AGBL4: variants seen among roughly 807,000 people sequenced by gnomAD.
The protein encoded by AGBL4 is cytosolic carboxypeptidase 6.
In AGBL4, 58 loss-of-function variants were observed where a neutral mutation model predicts 66.4. The ratio of observed to expected loss-of-function variants is 0.87; its 90% confidence interval spans 0.71 to 1.09. The LOEUF is 1.09. Ranked by LOEUF, AGBL4 falls within the 50% of genes least tolerant of loss-of-function variation. AGBL4 has a pLI of 0.00. For missense variants in AGBL4, 579 were observed against 631.0 expected, an observed-to-expected ratio of 0.92 and a Z score of 0.88; for synonymous variants, 234 against 222.9, an observed-to-expected ratio of 1.05 and a Z score of -0.44.
intron 4 of AGBL4, among the ~76,000 whole-genome samples, chr1:49,241,316 A>C (rs1021537462): frequency 4.6e-5 from 7 of 151,994 alleles, no homozygotes; most frequent in African/African-American, 1.7e-4. Context: ...TAATCTCTCC[A>C]ATCACTTTCT....
At chr1:49,298,026 G>C (rs1452372449) in intron 3 of AGBL4, among the ~76,000 whole-genome samples, 1 of 152,142 alleles carries the variant, frequency 6.6e-6, no homozygotes, top group South Asian at 2.1e-4. Flanking sequence ...CTTTGAATTT[G>C]CTAGCCTAAC....
At chr1:49,628,886 C>T (rs995250719) in intron 3 of AGBL4, among the ~76,000 whole-genome samples, 1 of 152,086 alleles carries the variant, frequency 6.6e-6, no homozygotes, top group Non-Finnish European at 1.5e-5. Context: ...GCTATGTTCC[C>T]GAGGCCTTCT....
At chr1:49,626,260 T>C (rs1645460905) in intron 3 of AGBL4, among the ~76,000 whole-genome samples, 1 of 152,166 alleles carries the variant, frequency 6.6e-6, no homozygotes, top group South Asian at 2.1e-4. Flanking sequence ...ACAGTGCTCC[T>C]GAAGCTAGCT....
intron 5 of AGBL4, among the ~76,000 whole-genome samples, chr1:48,868,898 A>C (rs1247514025): frequency 6.6e-6 from 1 of 152,178 alleles, no homozygotes; most frequent in Non-Finnish European, 1.5e-5. Context: ...TAGCTACTTC[A>C]GTCCATGACA....
chr1:49,789,297 G>A (rs960870916), intron 2 of AGBL4, among the ~76,000 whole-genome samples: 3 of 152,094 alleles, frequency 2.0e-5, no homozygotes, highest in Non-Finnish European at 2.9e-5. Flanking sequence ...TTGGACTGAA[G>A]TTTTCTTTTT....
chr1:49,163,506 T>A (rs1646576446), intron 4 of AGBL4, among the ~76,000 whole-genome samples: 2 of 152,236 alleles, frequency 1.3e-5, no homozygotes, highest in Non-Finnish European at 2.9e-5. Context: ...ATTATATTGT[T>A]AGCGTATGTT....
chr1:49,622,628 C>CAAAAAAAAA (rs71059557), intron 3 of AGBL4, among the ~76,000 whole-genome samples: 9 of 65,484 alleles, frequency 1.4e-4, no homozygotes, highest in Non-Finnish European at 2.1e-4. Flanking sequence ...GACTCCGTCT[C>CAAAAAAAAA]AAAAAAAAAA....
chr1:49,972,163 C>T (rs749786201), intron 1 of AGBL4, among the ~76,000 whole-genome samples: 1 of 151,592 alleles, frequency 6.6e-6, no homozygotes, highest in Non-Finnish European at 1.5e-5. Flanking sequence ...ATGATCCAGG[C>T]CTCCCAAAGT....
At chr1:49,651,216 T>C (rs1415265838) in intron 3 of AGBL4, among the ~76,000 whole-genome samples, 1 of 152,136 alleles carries the variant, frequency 6.6e-6, no homozygotes, top group Admixed American at 6.5e-5. Context: ...AAGGGCATGA[T>C]AGGGAAAAGG....
intron 2 of AGBL4, among the ~76,000 whole-genome samples, chr1:49,826,872 A>T (rs1645523584): frequency 1.3e-5 from 2 of 152,198 alleles, no homozygotes; most frequent in African/African-American, 4.8e-5. Flanking sequence ...AATATTAGTA[A>T]AACTGAAATT....
chr1:49,535,636 G>A (rs965639031), intron 3 of AGBL4, among the ~76,000 whole-genome samples: 11 of 151,980 alleles, frequency 7.2e-5, no homozygotes, highest in Admixed American at 1.3e-4. Context: ...ATCCAACATT[G>A]ACATTTTTGG....
chr1:49,204,789 C>T (rs1406156518), intron 4 of AGBL4, among the ~76,000 whole-genome samples: 1 of 152,110 alleles, frequency 6.6e-6, no homozygotes, highest in African/African-American at 2.4e-5. Flanking sequence ...AACTCTGAAA[C>T]CCCTGCACAG....
intron 4 of AGBL4, among the ~76,000 whole-genome samples, chr1:49,151,204 G>T (rs1208113424): frequency 6.7e-6 from 1 of 150,134 alleles, no homozygotes; most frequent in East Asian, 2.0e-4. Context: ...GGGAGGCGAA[G>T]CTTGCAGTGA....
intron 4 of AGBL4, among the ~76,000 whole-genome samples, chr1:49,117,597 C>A (rs922353257): frequency 3.9e-5 from 6 of 152,050 alleles, no homozygotes; most frequent in Non-Finnish European, 8.8e-5. Flanking sequence ...TTTGGTACTA[C>A]TACCATGCTA....
chr1:49,098,746 G>A (rs1323549100), intron 4 of AGBL4, among the ~76,000 whole-genome samples: 1 of 152,216 alleles, frequency 6.6e-6, no homozygotes, highest in African/African-American at 2.4e-5. Context: ...AATTTCAGCA[G>A]GAAGCCTTCT....
chr1:49,245,607 A>G (rs1651578620), intron 4 of AGBL4, among the ~76,000 whole-genome samples, 163 bp downstream of exon 4: 1 of 151,824 alleles, frequency 6.6e-6, no homozygotes, highest in Admixed American at 6.6e-5. Context: ...AGTAAGTCTG[A>G]TCCCCAGCTG....
chr1:48,556,680 G>T (rs193216951), intron 11 of AGBL4, among the ~76,000 whole-genome samples: 41 of 152,342 alleles, frequency 2.7e-4, no homozygotes, highest in African/African-American at 8.9e-4. Flanking sequence ...GAGTCAGTCT[G>T]CCATCCTATA....
chr1:49,224,564 C>T (rs1333542074), intron 4 of AGBL4, among the ~76,000 whole-genome samples: 2 of 150,848 alleles, frequency 1.3e-5, no homozygotes, highest in Admixed American at 1.3e-4. Context: ...TTGCAGTGAG[C>T]CCAGATTGCG....
At chr1:49,222,689 A>C (rs1369001924) in intron 4 of AGBL4, among the ~76,000 whole-genome samples, 1 of 152,216 alleles carries the variant, frequency 6.6e-6, no homozygotes, top group Non-Finnish European at 1.5e-5. Context: ...CATCCAAAAC[A>C]ATCTTGTCCA....
Sources: gnomAD v4.1 joint callset for allele counts (sites outside exome capture counted in the v4.1 genomes callset) on GRCh38, gnomAD v4.1.1 for gene constraint, MANE v1.5 for transcripts, NCBI Gene and HGNC (gene_info 2026-07-23, HGNC 2026-07-21) for gene names.